Variants in VSTM4 observed in about 807,000 individuals in gnomAD.
VSTM4 encodes the protein V-set and transmembrane domain containing 4, also known as V-set and transmembrane domain-containing protein 4.
Under a neutral mutation model 36.4 loss-of-function variants are expected in VSTM4, and 20 were observed. The ratio of observed to expected loss-of-function variants is 0.55; its 90% confidence interval spans 0.39 to 0.80. The LOEUF (loss-of-function observed/expected upper bound fraction) is 0.80. VSTM4 is among the 30% of genes least tolerant of loss of function. VSTM4 has a pLI of 0.00. For missense variants in VSTM4, 392 were observed against 404.5 expected (o/e 0.97, Z 0.26); for synonymous variants, 182 against 173.9 (o/e 1.05, Z -0.37).
At chr10:49,064,871 G>T (rs1843945595) in intron 4 of VSTM4, 135 bp from the exon 5 acceptor site, 3 of 852,378 alleles carry the variant, frequency 3.5e-6, no homozygotes, top group Non-Finnish European at 3.7e-6. Flanking sequence ...CTCAAGACTT[G>T]CATTCTTCTG....
intron 4 of VSTM4, among the ~76,000 whole-genome samples, chr10:49,073,489 G>A (rs1564583321): frequency 6.6e-6 from 1 of 152,222 alleles, no homozygotes; most frequent in Non-Finnish European, 1.5e-5. Context: ...GGCAGAAGCA[G>A]AATCACTCAC....
intron 7 of VSTM4, among the ~76,000 whole-genome samples, chr10:49,042,076 G>A (rs192744503): frequency 2.6e-5 from 4 of 152,250 alleles, no homozygotes; most frequent in Non-Finnish European, 4.4e-5. Context: ...ACATAAACAC[G>A]CACACCCAGA....
intron 4 of VSTM4, among the ~76,000 whole-genome samples, chr10:49,070,654 G>A (rs1003706949): frequency 6.6e-5 from 10 of 152,226 alleles, no homozygotes; most frequent in African/African-American, 2.4e-4. Flanking sequence ...TCCAATGTTA[G>A]AGAAGAGTCA....
intron 2 of VSTM4, among the ~76,000 whole-genome samples, chr10:49,087,785 C>T (rs1844394216): frequency 1.3e-5 from 2 of 152,006 alleles, no homozygotes; most frequent in South Asian, 2.1e-4. Flanking sequence ...TAGAGTTAAA[C>T]GTCTCCAGCA....
intron 3 of VSTM4, among the ~76,000 whole-genome samples, chr10:49,081,716 G>A (rs777704756): frequency 7.9e-5 from 12 of 152,220 alleles, no homozygotes; most frequent in Admixed American, 1.3e-4. Flanking sequence ...TCAGCTGGCC[G>A]CCAAACACAC....
At chr10:49,063,982 T>C (rs1360166382) in intron 5 of VSTM4, among the ~76,000 whole-genome samples, 4 of 152,212 alleles carry the variant, frequency 2.6e-5, no homozygotes, top group African/African-American at 9.7e-5. Context: ...GGAATGAGCT[T>C]ACCTGAATGT....
In VSTM4 at chr10:49,014,563, G is replaced by T. The variant is rs1843075880; in HGVS notation, c.*5087C>A. ...TGGGGAAAATACACTCAGCAGACCA[G>T]ACACAGCTCAGCGCCCACGTCTGTT... On this transcript the variant is annotated 3_prime_UTR_variant, in exon 8 of 8. Coordinates refer to ENST00000332853, the MANE Select transcript of VSTM4 (RefSeq NM_001031746.5). 6.6e-6 allele frequency: 1 copy of T among 151,986 alleles called. No individual in the cohort carries two copies. Among genetic ancestry groups the T allele is most frequent in the Admixed American group, 6.6e-5 (1 of 15,242 alleles). The allele number at this position is 151,986 out of a possible 1,614,324, so 9.4% of individuals were successfully genotyped here.
At chr10:49,101,977 GTGTGTGTGTGTT>G (rs1378935065) in intron 2 of VSTM4, among the ~76,000 whole-genome samples, 1 of 144,690 alleles carries the variant, frequency 6.9e-6, no homozygotes, top group Non-Finnish European at 1.5e-5. Context: ...GTCTGCGTGT[GTGTGTGTGTGTT>G]TGTGTGTGTG....
chr10:49,096,622 C>CGTGT (rs57143308), intron 2 of VSTM4, among the ~76,000 whole-genome samples: 8,863 of 122,424 alleles, frequency 0.072, 480 homozygotes, highest in African/African-American at 0.13. Context: ...CATTGAAGAC[C>CGTGT]GTGTGTGTGT....
At position 49,070,808 on chromosome 10, in the gene VSTM4, C is replaced by T. The variant is rs538208126; in HGVS notation, c.635-6072G>A. ...AGAGAGCCAGCTGAGCCTCCCGGCA[C>T]CCACTGAAGAACCAGAGAGATCTCG... On this transcript the variant is annotated intron_variant, in intron 4 of 7. Transcript: ENST00000332853. Among the ~76,000 whole-genome samples, 3 of 152,342 alleles carry T rather than the reference C, an allele frequency of 2.0e-5. No homozygotes were observed. In the East Asian group the frequency reaches 5.8e-4, roughly 29 times the overall value.
intron 7 of VSTM4, among the ~76,000 whole-genome samples, chr10:49,030,995 C>A (rs1356959062): frequency 6.6e-6 from 1 of 152,228 alleles, no homozygotes; most frequent in Non-Finnish European, 1.5e-5. Flanking sequence ...CATTTCCTCT[C>A]CCCTGTGGTC....
intron 7 of VSTM4, among the ~76,000 whole-genome samples, chr10:49,038,790 T>A (rs891591695): frequency 6.6e-6 from 1 of 152,008 alleles, no homozygotes; most frequent in Non-Finnish European, 1.5e-5. Flanking sequence ...TGAAATTGGC[T>A]TGAGGACCCC....
At chr10:49,052,229 T>C (rs1590088402) in intron 5 of VSTM4, among the ~76,000 whole-genome samples, 1 of 152,350 alleles carries the variant, frequency 6.6e-6, no homozygotes, top group African/African-American at 2.4e-5. Flanking sequence ...ACCACAGCTA[T>C]GCCACTCAAC....
chr10:49,070,744 C>T (rs1160072446), intron 4 of VSTM4, among the ~76,000 whole-genome samples: 5 of 152,226 alleles, frequency 3.3e-5, no homozygotes, highest in African/African-American at 4.8e-5. Flanking sequence ...GGCTAACCAA[C>T]CCCCACAAAG....
chr10:49,065,836 G>A (rs1478432512), intron 4 of VSTM4, among the ~76,000 whole-genome samples: 1 of 152,122 alleles, frequency 6.6e-6, no homozygotes, highest in Admixed American at 6.6e-5. Flanking sequence ...AGTAAGATGA[G>A]AGAATCTCAG....
At chr10:49,094,433 G>A (rs564592882) in intron 2 of VSTM4, among the ~76,000 whole-genome samples, 17 of 152,168 alleles carry the variant, frequency 1.1e-4, no homozygotes, top group South Asian at 2.1e-4. Flanking sequence ...GAAAGGAAGC[G>A]GAAGAAGTTA....
intron 7 of VSTM4, among the ~76,000 whole-genome samples, chr10:49,044,275 C>T (rs949718072): frequency 1.3e-5 from 2 of 151,874 alleles, no homozygotes; most frequent in Non-Finnish European, 2.9e-5. Context: ...CTGCAGTGAG[C>T]CGAGGTAGTA....
At chr10:49,100,337 A>T (rs1590131299) in intron 2 of VSTM4, among the ~76,000 whole-genome samples, 1 of 152,364 alleles carries the variant, frequency 6.6e-6, no homozygotes, top group East Asian at 1.9e-4. Context: ...TAATTCATAG[A>T]TACTATTGAA....
chr10:49,021,737 A>G (rs1843184621), intron 7 of VSTM4, among the ~76,000 whole-genome samples: 1 of 152,222 alleles, frequency 6.6e-6, no homozygotes, highest in African/African-American at 2.4e-5. Flanking sequence ...CCTCTCCTAT[A>G]CTATGGGTGG....
Sources: allele counts gnomAD v4.1 joint callset (sites outside exome capture counted in the v4.1 genomes callset), GRCh38; gene constraint gnomAD v4.1.1; transcripts MANE v1.5; gene names NCBI Gene and HGNC (gene_info 2026-07-23, HGNC 2026-07-21).